Variants in SPAG16 observed in about 807,000 individuals in gnomAD.
SPAG16 encodes sperm-associated antigen 16 protein.
SPAG16 carries 86 observed loss-of-function variants against 80.4 expected under a neutral mutation model. The ratio of observed to expected loss-of-function variants is 1.07; its 90% CI spans 0.90 to 1.28. The LOEUF (loss-of-function observed/expected upper bound fraction) is 1.28, where lower values mean the gene tolerates loss of function less well. Among genes scored for constraint, SPAG16 ranks in the 50% most tolerant of loss-of-function variants. SPAG16 has a pLI of 0.00. For synonymous variants in SPAG16, 294 were observed against 265.9 expected (o/e 1.11, Z -1.03); for missense variants, 870 against 765.3 (o/e 1.14, Z -1.61).
At chr2:214,164,864 A>G (rs1364372589) in intron 15 of SPAG16, among the ~76,000 whole-genome samples, 1 of 152,158 alleles carries the variant, frequency 6.6e-6, no homozygotes, top group Non-Finnish European at 1.5e-5. Context: ...AATGGTGTAG[A>G]AATTTAAATG....
At chr2:213,292,684 A>C (rs1033064418) in intron 1 of SPAG16, among the ~76,000 whole-genome samples, 4 of 133,322 alleles carry the variant, frequency 3.0e-5, no homozygotes, top group African/African-American at 1.2e-4. Context: ...AACAAAAAAA[A>C]CAAAAAAAAA....
At chr2:214,376,827 A>G (rs73989464) in intron 15 of SPAG16, among the ~76,000 whole-genome samples, 31,320 of 152,160 alleles carry the variant, frequency 0.21, 3,812 homozygotes, top group African/African-American at 0.33. Context: ...AGTAAATCAC[A>G]TGACTGAATG....
chr2:213,647,825 C>T (rs1457738625), intron 10 of SPAG16, among the ~76,000 whole-genome samples: 1 of 152,148 alleles, frequency 6.6e-6, no homozygotes, highest in Admixed American at 6.6e-5. Flanking sequence ...CAAGACATAC[C>T]TCAAATATTT....
intron 10 of SPAG16, among the ~76,000 whole-genome samples, chr2:213,769,621 C>T (rs1241650739): frequency 1.3e-5 from 2 of 152,124 alleles, no homozygotes; most frequent in African/African-American, 4.8e-5. Context: ...TTGATTCCTG[C>T]TGATTTCCCC....
rs543431335 is a variant in SPAG16, at chr2:213,689,159, C to A, written c.1071-173326C>A. ...ATTTTTAGTAGAGTCAGGGTTTCAC[C>A]ATCTTGGCCAGGCTGGTCTTGAATG... On this transcript the variant is annotated intron_variant, in intron 10 of 15. Coordinates refer to ENST00000331683, the MANE Select transcript of SPAG16 (RefSeq NM_024532.5). Among the ~76,000 whole-genome samples, 3 of 152,244 alleles carry A rather than the reference C, an allele frequency of 2.0e-5. No homozygotes were observed. In the East Asian group the frequency reaches 5.8e-4, roughly 29 times the overall value.
intron 15 of SPAG16, among the ~76,000 whole-genome samples, chr2:214,329,994 C>CGGT (rs1290050675): frequency 2.0e-4 from 31 of 151,502 alleles, no homozygotes; most frequent in African/African-American, 7.5e-4. Flanking sequence ...AGGCTGGGTG[C>CGGT]GGTGGCTCAT....
chr2:214,361,668 C>T (rs1181190644), intron 15 of SPAG16, among the ~76,000 whole-genome samples: 1 of 151,826 alleles, frequency 6.6e-6, no homozygotes, highest in Non-Finnish European at 1.5e-5. Context: ...TTAGAAGGCT[C>T]TGAAGATTCT....
intron 14 of SPAG16, among the ~76,000 whole-genome samples, chr2:214,123,224 T>G (rs1003370789): frequency 2.6e-5 from 4 of 151,868 alleles, no homozygotes; most frequent in Non-Finnish European, 4.4e-5. Context: ...TGTAAATGAC[T>G]ACAGATAAAA....
intron 10 of SPAG16, among the ~76,000 whole-genome samples, chr2:213,492,429 AGTCCCAGCTACTCGG>A (rs1432538398): frequency 1.3e-5 from 2 of 151,984 alleles, no homozygotes. Context: ...GGGCGCCTGT[AGTCCCAGCTACTCGG>A]GAGGCTGAGG....
intron 10 of SPAG16, among the ~76,000 whole-genome samples, chr2:213,588,779 G>A (rs1475513114): frequency 8.0e-6 from 1 of 124,418 alleles, no homozygotes; most frequent in Admixed American, 9.7e-5. Flanking sequence ...TCCGCAGTCC[G>A]GCCTGGGCGA....
At chr2:213,472,158 A>G (rs2073114666) in intron 9 of SPAG16, among the ~76,000 whole-genome samples, 1 of 152,144 alleles carries the variant, frequency 6.6e-6, no homozygotes, top group South Asian at 2.1e-4. Flanking sequence ...AAAGCTGGAG[A>G]GTTGATATAC....
In SPAG16 at chr2:213,862,527, C is replaced by T. The variant is rs200855980; in HGVS notation, c.1113C>T (p.Gly371=). 74 of 1,614,116 alleles carry T rather than the reference C, an allele frequency of 4.6e-5. No individual in the cohort carries two copies. The highest frequency in any genetic ancestry group is 5.5e-5 in the Non-Finnish European group (65 of 1,179,990). Residue 371 remains glycine (G), a synonymous_variant, in exon 11 of 16, where the codon GGC becomes GGT. Transcript: ENST00000331683. ...QPHKDILVSC[G]EDRLWKVLGL... ...ACAAAGACATCCTAGTCTCCTGTGGCGAGGACCGACTCTGGAAGGTGTTGG... is the reference window on the plus strand; with the variant it reads ...ACAAAGACATCCTAGTCTCCTGTGGTGAGGACCGACTCTGGAAGGTGTTGG...
At chr2:213,364,319 A>C (rs985011387) in intron 8 of SPAG16, 174 bp downstream of exon 8, 1 of 329,340 alleles carries the variant, frequency 3.0e-6, no homozygotes, top group Admixed American at 4.9e-5. Context: ...GTATGGATTA[A>C]TTATAGAGAA....
At chr2:213,986,902 A>C (rs1360565374) in intron 12 of SPAG16, among the ~76,000 whole-genome samples, 2 of 148,930 alleles carry the variant, frequency 1.3e-5, no homozygotes, top group African/African-American at 5.1e-5. Flanking sequence ...AAAAAAAAAA[A>C]AAAAAAAAAA....
intron 13 of SPAG16, among the ~76,000 whole-genome samples, chr2:214,032,102 C>A (rs183510678): frequency 6.6e-6 from 1 of 152,294 alleles, no homozygotes; most frequent in Admixed American, 6.5e-5. Flanking sequence ...TTTTCCCCTC[C>A]CTTGCATGCA....
rs73987184 is a variant in SPAG16, at chr2:214,127,968, G to A, written c.1593+19707G>A. ...AAAAAAGGGTGGGTTAGAGCAGCTTGATTAAATGTATTAAAAAGTGGTAGA... is the reference window on the plus strand; with the variant it reads ...AAAAAAGGGTGGGTTAGAGCAGCTTAATTAAATGTATTAAAAAGTGGTAGA... On this transcript the variant is annotated intron_variant, in intron 14 of 15. Coordinates refer to ENST00000331683, the MANE Select transcript of SPAG16 (RefSeq NM_024532.5). Among the ~76,000 whole-genome samples, 1,368 of 151,998 alleles carry A rather than the reference G, an allele frequency of 9.0e-3. 30 individuals are homozygous for A. The highest frequency in any genetic ancestry group is 0.031 in the African/African-American group (1,293 of 41,572).
intron 15 of SPAG16, among the ~76,000 whole-genome samples, chr2:214,197,335 A>C (rs1334947729): frequency 2.6e-5 from 4 of 152,020 alleles, no homozygotes; most frequent in Non-Finnish European, 5.9e-5. Flanking sequence ...TTTTGGCGTT[A>C]ATATCATTTT....
intron 10 of SPAG16, among the ~76,000 whole-genome samples, chr2:213,715,534 T>C (rs1325819510): frequency 6.6e-6 from 1 of 152,238 alleles, no homozygotes. Flanking sequence ...TTGTACTCTC[T>C]GTTCCTCTGG....
chr2:213,363,221 A>G (rs1488982), intron 7 of SPAG16, among the ~76,000 whole-genome samples: 31,331 of 152,128 alleles, frequency 0.21, 4,010 homozygotes, highest in Non-Finnish European at 0.3. Flanking sequence ...AATTCTCAGT[A>G]CTACATTAGC....
Sources: allele counts gnomAD v4.1 joint callset (sites outside exome capture counted in the v4.1 genomes callset), GRCh38; gene constraint gnomAD v4.1.1; transcripts MANE v1.5; gene names NCBI Gene and HGNC (gene_info 2026-07-23, HGNC 2026-07-21).